The following IFT140 variants were observed in gnomAD, a reference collection of about 807,000 sequenced individuals.
IFT140 encodes intraflagellar transport 140.
Under a neutral mutation model 164.6 loss-of-function variants are expected in IFT140, and 133 were observed. That is an observed-to-expected ratio of 0.81 (90% confidence interval 0.70 to 0.93). IFT140 has a LOEUF of 0.93. Among genes scored for constraint, IFT140 ranks in the 40% least tolerant of loss-of-function variants. The probability of loss-of-function intolerance (pLI) is 0.00; values close to 1 mark genes in which losing one functional copy is unlikely to be tolerated. For synonymous variants in IFT140, 860 were observed against 817.3 expected (o/e 1.05, Z -0.89); for missense variants, 2,045 against 1,972.3 (o/e 1.04, Z -0.70).
rs538777276 is a variant in IFT140 at position 1,518,155 on chromosome 16, G to T, written c.4182+61C>A. On this transcript the variant is annotated intron_variant, in intron 30 of 30. Transcript: ENST00000426508. ...ACACAGCCTCAGTTTGAGCCGTTAA[G>T]CCTTCGTTTCAGGAGCCTTGTGTGG... 6.4e-6 allele frequency: 10 copies of T among 1,561,932 alleles called. No homozygotes were observed. The African/African-American group carries it at 1.3e-4, about 21-fold the overall frequency.
intron 4 of IFT140, among the ~76,000 whole-genome samples, chr16:1,601,577 A>G (rs2035797640): frequency 6.6e-6 from 1 of 152,230 alleles, no homozygotes; most frequent in South Asian, 2.1e-4. Context: ...CAGACCTGGC[A>G]GTGGGAACAG....
At chr16:1,600,434 C>T (rs796130023) in intron 4 of IFT140, among the ~76,000 whole-genome samples, 2 of 122,654 alleles carry the variant, frequency 1.6e-5, no homozygotes, top group African/African-American at 7.3e-5. Context: ...GTGAGAAACA[C>T]CCAAGAATTA....
rs1411974808 is a variant in IFT140 at position 1,602,504 on chromosome 16, C to G, written c.235G>C (p.Gly79Arg). 1 of 1,614,186 alleles carries G rather than the reference C, an allele frequency of 6.2e-7. No homozygotes were observed. Among genetic ancestry groups the G allele is most frequent in the South Asian group, 1.1e-5 (1 of 91,086 alleles). Residue 79 changes from glycine to arginine, a missense_variant, in exon 4 of 31, where the codon GGC becomes CGC. By Grantham distance (125) the Gly-to-Arg change is moderately radical. Transcript: ENST00000426508. ...ACCGTCACTTCTCCAGTCTCCCAGC[C>G]CACAGCCAGCACCAGCCGCGTCGGG... ...WHPTRLVLAV[G>R]WETGEVTVFN... is the part of the protein sequence containing the mutation.
chr16:1,525,371 C>T, intron 21 of IFT140, 45 bp from the exon 22 acceptor site: 2 of 1,484,834 alleles, frequency 1.3e-6, no homozygotes, highest in African/African-American at 1.4e-5. Context: ...CCCATCCCAG[C>T]CCCACGGGAA....
intron 30 of IFT140, among the ~76,000 whole-genome samples, chr16:1,516,149 A>AAC (rs2040333720): frequency 1.2e-4 from 5 of 42,308 alleles, no homozygotes; most frequent in Non-Finnish European, 1.9e-4. Context: ...CAAAAAAAAA[A>AAC]AAAAAAAAAA....
At chr16:1,546,220 C>A (rs2032159131) in intron 19 of IFT140, among the ~76,000 whole-genome samples, 1 of 152,346 alleles carries the variant, frequency 6.6e-6, no homozygotes, top group Non-Finnish European at 1.5e-5. Context: ...CACAGCATGA[C>A]CCTGGCACCT....
Position 1,584,321 on chromosome 16 carries a change from C to A in IFT140, c.1255G>T (p.Ala419Ser), listed in dbSNP as rs769337607. 2 of 1,613,554 alleles carry A rather than the reference C, an allele frequency of 1.2e-6. No homozygotes were observed. The highest frequency in any genetic ancestry group is 1.7e-6 in the Non-Finnish European group (2 of 1,179,962). The change falls in exon 11 of 31, where the codon GCC becomes TCC. Residue 419 changes from alanine to serine, a missense_variant. Physicochemically the swap from Ala to Ser is moderately conservative, Grantham distance 99. Transcript: ENST00000426508. ...AGCAGACTCGGGGAGACCTGCATGG[C>A]GGCCACTTGCTGGTGGAAGTGTGAC... is the stretch of plus-strand genomic sequence containing the variant. The part of the protein sequence containing the change: ...MSSHFHQQVA[A>S]MQVSPSLLNV...
intron 30 of IFT140, among the ~76,000 whole-genome samples, chr16:1,517,835 G>A (rs1223466400): frequency 8.6e-5 from 13 of 152,036 alleles, no homozygotes; most frequent in African/African-American, 2.4e-4. Context: ...TTTTGCTACC[G>A]ACAGATTTTT....
chr16:1,538,298 T>G (rs192069207), intron 19 of IFT140, among the ~76,000 whole-genome samples: 6 of 152,266 alleles, frequency 3.9e-5, no homozygotes, highest in Admixed American at 3.9e-4. Context: ...GGCACAGGGC[T>G]GTGTGCCTGG....
chr16:1,587,844 A>G, intron 8 of IFT140, 89 bp downstream of exon 8: 1 of 983,570 alleles, frequency 1.0e-6, no homozygotes. Context: ...TGCATTTTAC[A>G]TATGCTCCAT....
At chr16:1,560,063 T>C (rs2033320436) in intron 18 of IFT140, among the ~76,000 whole-genome samples, 1 of 152,230 alleles carries the variant, frequency 6.6e-6, no homozygotes, top group Non-Finnish European at 1.5e-5. Context: ...TAAAACATTG[T>C]TAATGCTTTG....
intron 18 of IFT140, among the ~76,000 whole-genome samples, chr16:1,559,136 T>G (rs1431005109): frequency 1.3e-5 from 2 of 152,232 alleles, no homozygotes; most frequent in Non-Finnish European, 2.9e-5. Context: ...GGGGCCCATC[T>G]GCAGGGTGCT....
chr16:1,603,034 G>T (rs1387879433), intron 3 of IFT140, among the ~76,000 whole-genome samples: 1 of 152,186 alleles, frequency 6.6e-6, no homozygotes, highest in African/African-American at 2.4e-5. Context: ...ATGGGGCAAT[G>T]TTCTCAGTAG....
chr16:1,558,020 T>C lies in IFT140; in HGVS notation c.2314A>G (p.Thr772Ala), dbSNP rs1238953770. 1.9e-6 allele frequency: 3 copies of C among 1,613,844 alleles called. No homozygotes were observed. The highest frequency in any genetic ancestry group is 2.5e-6 in the Non-Finnish European group (3 of 1,180,024). Residue 772 changes from threonine to alanine, a missense_variant, in exon 19 of 31, where the codon ACC (threonine) becomes GCC (alanine). Physicochemically the swap from Thr to Ala is moderately conservative, Grantham distance 58. Coordinates refer to ENST00000426508, the MANE Select transcript of IFT140 (RefSeq NM_014714.4). ...FVGLEDCDKA[T>A]RDAMLHFSFF... ...CTGAAGTGGAGCATGGCGTCCCGGGTGGCCTTGTCGCAGTCCTCCAGCCCC... is the reference window on the plus strand; with the variant it reads ...CTGAAGTGGAGCATGGCGTCCCGGGCGGCCTTGTCGCAGTCCTCCAGCCCC...
rs2034935532 is a variant in IFT140, at chr16:1,587,271, T to C, written c.936A>G (p.Ile312Met). The C allele has an allele frequency of 6.2e-7, 1 of 1,612,178 alleles. No individual in the cohort carries two copies. Among genetic ancestry groups the C allele is most frequent in the Non-Finnish European group, 8.5e-7 (1 of 1,178,414 alleles). The change falls in exon 9 of 31, where the codon ATA becomes ATG. Residue 312 changes from isoleucine (I) to methionine (M), a missense_variant. By Grantham distance (10) the Ile-to-Met change is conservative (BLOSUM62 1). Transcript: ENST00000426508. Reference protein sequence around the residue: ...FWDIERGENYILSPDEKFGFE... With the variant: ...FWDIERGENYMLSPDEKFGFE... ...AGCCAAACTTCTCATCTGGACTCAGTATATAATTCTCTCCTCGTTCTATGT... is the reference window on the plus strand; with the variant it reads ...AGCCAAACTTCTCATCTGGACTCAGCATATAATTCTCTCCTCGTTCTATGT...
intron 4 of IFT140, among the ~76,000 whole-genome samples, chr16:1,597,517 C>A (rs2035525942): frequency 6.6e-6 from 1 of 152,192 alleles, no homozygotes; most frequent in South Asian, 2.1e-4. Context: ...CCACGGGTAA[C>A]CACAACAGGG....
At chr16:1,541,616 G>A in intron 19 of IFT140, 1 of 501,554 alleles carries the variant, frequency 2.0e-6, no homozygotes, top group East Asian at 1.5e-4. Context: ...GTCAGGCAGA[G>A]AGGAACAGCT....
Position 1,510,928 on chromosome 16 carries a change from C to T in IFT140, c.*16G>A, listed in dbSNP as rs371193393. 36 of 1,605,660 alleles carry T rather than the reference C, an allele frequency of 2.2e-5. No individual in the cohort carries two copies. The African/African-American group carries it at 4.3e-4, about 19-fold the overall frequency. ...GCCTTTCTGCAGCAGCACGCTGGTC[C>T]TGGGGCCCAGGCCCCTCAGGGGTCG... On this transcript the variant is annotated 3_prime_UTR_variant, in exon 31 of 31. Transcript: ENST00000426508.
At chr16:1,577,501 T>C (rs1441929964) in intron 13 of IFT140, 1 of 152,122 alleles carries the variant, frequency 6.6e-6, no homozygotes, top group African/African-American at 2.4e-5. Flanking sequence ...TATATGGGGA[T>C]TTTCAACTGC....
Sources: allele counts gnomAD v4.1 joint callset (sites outside exome capture counted in the v4.1 genomes callset), GRCh38; gene constraint gnomAD v4.1.1; transcripts MANE v1.5; gene names NCBI Gene and HGNC (gene_info 2026-07-23, HGNC 2026-07-21).